Variants in LIPE observed in about 807,000 individuals in gnomAD.
LIPE encodes the protein hormone-sensitive lipase.
In LIPE, 66 loss-of-function variants were observed where a neutral mutation model predicts 88.5. That is an observed-to-expected ratio of 0.75 (90% confidence interval 0.61 to 0.91). The LOEUF is 0.91. Among genes scored for constraint, LIPE ranks in the 40% least tolerant of loss-of-function variants. The pLI is 0.00. For missense variants in LIPE, 1,346 were observed against 1,434.7 expected (o/e 0.94, Z 1.00); for synonymous variants, 570 against 617.5 (o/e 0.92, Z 1.14).
intron 1 of LIPE, among the ~76,000 whole-genome samples, chr19:42,421,441 T>C (rs934686313): frequency 1.3e-5 from 2 of 152,212 alleles, no homozygotes; most frequent in Admixed American, 1.3e-4. Context: ...CTCTGTTGTA[T>C]TTATCACAGT....
Position 42,408,453 on chromosome 19 carries a change from G to A in LIPE, c.1420-131C>T, listed in dbSNP as rs2040263591. ...GTTTCATGAGCTCCTACTGTGTGCT[G>A]GGCATAGCTCTCGGCTGGTTCACGG... is the stretch of plus-strand genomic sequence containing the variant. On this transcript the variant is annotated intron_variant, in intron 2 of 9. Transcript: ENST00000244289. The surrounding 1 kb of genome is among the most constrained non-coding windows in gnomAD (Gnocchi z 4.3). 2 of 746,078 alleles carry A rather than the reference G, an allele frequency of 2.7e-6. No homozygotes were observed. The highest frequency in any genetic ancestry group is 4.7e-6 in the Non-Finnish European group (2 of 428,836). The allele number at this position is 746,078 out of a possible 1,614,324, so 46.2% of individuals were successfully genotyped here. A position where few individuals can be genotyped will look rare whatever the true frequency, so the allele number is the denominator to read the frequency against.
At chr19:42,418,699 G>A (rs564184512) in intron 1 of LIPE, among the ~76,000 whole-genome samples, 2 of 152,098 alleles carry the variant, frequency 1.3e-5, no homozygotes, top group Non-Finnish European at 2.9e-5. Context: ...GACATATGCT[G>A]TTGTACACTT....
At position 42,401,991 on chromosome 19, in the gene LIPE, C is replaced by A. The variant is rs565024075; in HGVS notation, c.3052G>T (p.Val1018Leu). ...AAGCCGTGCGGCAGGTCCTCCACCA[C>A]GCGCAGCGTCACCGGCTGGCCCAGG... ...RNLGQPVTLR[V>L]VEDLPHGFLT... Residue 1018 changes from valine to leucine, a missense_variant, in exon 10 of 10, where the codon GTG (valine) becomes TTG (leucine). Val to Leu is a conservative substitution (Grantham distance 32, BLOSUM62 1). Transcript: ENST00000244289. 6.4e-7 allele frequency: 1 copy of A among 1,554,584 alleles called. No individual in the cohort carries two copies. Among genetic ancestry groups the A allele is most frequent in the Non-Finnish European group, 8.7e-7 (1 of 1,152,002 alleles).
chr19:42,407,642 G>A lies in LIPE; in HGVS notation c.1806C>T (p.Leu602=), dbSNP rs1321401603. The A allele has an allele frequency of 1.7e-5, 28 of 1,611,402 alleles. No individual in the cohort carries two copies. The highest frequency in any genetic ancestry group is 2.3e-5 in the Non-Finnish European group (27 of 1,178,586). ...GCAGGTCATAGGAGATGAGCCTGAC[G>A]AGGACGGGCCCAGGGCCTGTGTGGG... ...PLAHTGPGPV[L]VRLISYDLRE... is the part of the protein sequence containing the mutation. Residue 602 remains leucine, a synonymous_variant, in exon 5 of 10, where the codon CTC becomes CTT. Transcript: ENST00000244289. The surrounding 1 kb of genome is among the most constrained non-coding windows in gnomAD (Gnocchi z 5.8).
At position 42,402,862 on chromosome 19, in the gene LIPE, G is replaced by A. The variant is rs2040030430; in HGVS notation, c.2712C>T (p.Ser904=). Residue 904 remains serine, a synonymous_variant, in exon 9 of 10, where the codon TCC becomes TCT. Coordinates refer to ENST00000244289, the MANE Select transcript of LIPE (RefSeq NM_005357.4). ...MSLSAETLSP[S]TPSDVNFLLP... The stretch of plus-strand genomic sequence containing the variant: ...ATAAGAAGTTGACATCGGAGGGTGT[G>A]GAGGGGCTAAGTGTCTCAGCTGACA... 2.5e-6 allele frequency: 4 copies of A among 1,613,900 alleles called. No homozygotes were observed. The highest frequency in any genetic ancestry group is 3.4e-6 in the Non-Finnish European group (4 of 1,179,970).
chr19:42,420,886 C>T (rs745655470), intron 1 of LIPE, among the ~76,000 whole-genome samples: 5 of 152,004 alleles, frequency 3.3e-5, no homozygotes, highest in Non-Finnish European at 5.9e-5. Flanking sequence ...GCCTCCCAAG[C>T]CAGGTACCAT....
In LIPE at chr19:42,426,298, A is replaced by C. The variant is rs1405430082; in HGVS notation, c.852T>G (p.Ser284Arg). The change falls in exon 1 of 10, where the codon AGT becomes AGG. Residue 284 changes from serine (S) to arginine (R), a missense_variant. By Grantham distance (110) the Ser-to-Arg change is moderately radical. Coordinates refer to ENST00000244289, the MANE Select transcript of LIPE (RefSeq NM_005357.4). ...CCTGGTAGTGTCTGTGATTCCGAGC[A>C]CTGGTTTTCTCATGTGGCGACGTCC... ...YSGTSPHEKT[S>R]ARNHRHYQDT... The C allele has an allele frequency of 4.4e-6, 7 of 1,604,120 alleles. No homozygotes were observed. The highest frequency in any genetic ancestry group is 4.3e-6 in the Non-Finnish European group (5 of 1,171,842).
Position 42,408,536 on chromosome 19 carries a change from T to G in LIPE, c.1420-214A>C. ...AGCAGATAAGCAAAGCCACGCGCAGTATCATGACAAGGAATGACGAATGGT... is the reference window on the plus strand; with the variant it reads ...AGCAGATAAGCAAAGCCACGCGCAGGATCATGACAAGGAATGACGAATGGT... On this transcript the variant is annotated intron_variant, in intron 2 of 9. Coordinates refer to ENST00000244289, the MANE Select transcript of LIPE (RefSeq NM_005357.4). The surrounding 1 kb of genome is among the most constrained non-coding windows in gnomAD (Gnocchi z 4.3). 1.8e-6 allele frequency: 1 copy of G among 555,746 alleles called. No homozygotes were observed. The allele number at this position is 555,746 out of a possible 1,614,324, so 34.4% of individuals were successfully genotyped here.
rs2040239327 is a variant in LIPE, at chr19:42,407,864, C to T, written c.1657-73G>A. The stretch of plus-strand genomic sequence containing the variant: ...GGTGCCCTTCACCTCTCCCTCTGAT[C>T]CCCAGTCTTTCCCCTTGTGTGCCAT... On this transcript the variant is annotated intron_variant, in intron 4 of 9. Transcript: ENST00000244289. This position sits in a 1 kb window ranked among gnomAD's most constrained non-coding sequence, Gnocchi z 5.8. The T allele has an allele frequency of 1.3e-6, 2 of 1,552,706 alleles. No individual in the cohort carries two copies. The highest frequency in any genetic ancestry group is 1.7e-6 in the Non-Finnish European group (2 of 1,149,610).
rs2040239747 is a variant in LIPE at position 42,407,871 on chromosome 19, C to G, written c.1657-80G>C. The G allele has an allele frequency of 2.6e-6, 4 of 1,557,044 alleles. No individual in the cohort carries two copies. Among genetic ancestry groups the G allele is most frequent in the Non-Finnish European group, 3.5e-6 (4 of 1,152,540 alleles). ...TTCACCTCTCCCTCTGATCCCCAGT[C>G]TTTCCCCTTGTGTGCCATCCCTGGG... On this transcript the variant is annotated intron_variant, in intron 4 of 9. Coordinates refer to ENST00000244289, the MANE Select transcript of LIPE (RefSeq NM_005357.4). The surrounding 1 kb of genome is among the most constrained non-coding windows in gnomAD (Gnocchi z 5.8).
Position 42,406,434 on chromosome 19 carries a change from G to A in LIPE, c.2138-46C>T. ...TTGGTGACAACCTGGCAGGGGCAGA[G>A]GCCTGGGGAGGAGGGCAGGGAGGAA... is the stretch of plus-strand genomic sequence containing the variant. On this transcript the variant is annotated intron_variant, in intron 6 of 9. Transcript: ENST00000244289. This position sits in a 1 kb window ranked among gnomAD's most constrained non-coding sequence, Gnocchi z 5.7. 6.5e-7 allele frequency: 1 copy of A among 1,540,844 alleles called. No homozygotes were observed. Among genetic ancestry groups the A allele is most frequent in the African/African-American group, 1.4e-5 (1 of 73,598 alleles).
chr19:42,424,286 G>A (rs1193931603), intron 1 of LIPE: 2 of 470,126 alleles, frequency 4.3e-6, no homozygotes, highest in Non-Finnish European at 8.3e-6. Flanking sequence ...GAGGTAGAGG[G>A]AACGACGCAT....
In LIPE at chr19:42,407,380, C is replaced by T. The variant is rs774084527; in HGVS notation, c.1931G>A (p.Arg644Gln). ...GCCGTGGAAGTGCACTATCAGGGAC[C>T]GCGAGCGGGGTGCCTGCTGGGGGCG... ...WPRPQQAPRS[R>Q]SLIVHFHGGG... The change falls in exon 6 of 10, where the codon CGG (arginine) becomes CAG (glutamine). Residue 644 changes from arginine (R) to glutamine (Q), a missense_variant. Transcript: ENST00000244289. This position sits in a 1 kb window ranked among gnomAD's most constrained non-coding sequence, Gnocchi z 5.8. 55 of 1,613,424 alleles carry T rather than the reference C, an allele frequency of 3.4e-5. No individual in the cohort carries two copies. The highest frequency in any genetic ancestry group is 1.6e-4 in the Middle Eastern group (1 of 6,078).
chr19:42,407,952 T>TC lies in LIPE; in HGVS notation c.1656+23dup. 6.2e-7 allele frequency: 1 copy of TC among 1,606,906 alleles called. No individual in the cohort carries two copies. Among genetic ancestry groups the TC allele is most frequent in the East Asian group, 2.2e-5 (1 of 44,604 alleles). ...TCAGATGAGTCTCTGGGCCTCAGTG[T>TC]CCCCATCTGCAACAGGCCCTCACCG... On this transcript the variant is annotated intron_variant, in intron 4 of 9. Coordinates refer to ENST00000244289, the MANE Select transcript of LIPE (RefSeq NM_005357.4). The surrounding 1 kb of genome is among the most constrained non-coding windows in gnomAD (Gnocchi z 5.8).
chr19:42,425,746 G>A (rs1411268281), intron 1 of LIPE, among the ~76,000 whole-genome samples: 1 of 152,138 alleles, frequency 6.6e-6, no homozygotes, highest in Admixed American at 6.5e-5. Flanking sequence ...GGAGTTTGAG[G>A]CTGCAGTGAG....
rs1341942692 is a variant in LIPE at position 42,402,698 on chromosome 19, A to C, written c.2876T>G (p.Leu959Arg). The C allele has an allele frequency of 6.5e-7, 1 of 1,531,966 alleles. No homozygotes were observed. The highest frequency in any genetic ancestry group is 1.4e-5 in the African/African-American group (1 of 72,364). The allele number at this position is 1,531,966 out of a possible 1,614,324, so 94.9% of individuals were successfully genotyped here. The change falls in exon 9 of 10, where the codon CTC (leucine) becomes CGC (arginine). Residue 959 changes from leucine to arginine, a missense_variant. By Grantham distance (102) the Leu-to-Arg change is moderately radical. Coordinates refer to ENST00000244289, the MANE Select transcript of LIPE (RefSeq NM_005357.4). ...RSSQGATQMP[L>R]YSSPIVKNPF... ...GTTCTTGACTATGGGTGAGGAGTAG[A>C]GGGGCATCTGTGTGGCACCCTGGCT...
At position 42,414,953 on chromosome 19, in the gene LIPE, C is replaced by T. The variant is rs113806583; in HGVS notation, c.884-4111G>A. On this transcript the variant is annotated intron_variant, in intron 1 of 9. Transcript: ENST00000244289. This position sits in a 1 kb window ranked among gnomAD's most constrained non-coding sequence, Gnocchi z 4.6. ...TCCCTAAGACATACAATATTGAGGC[C>T]GGGCACGGTGGCTAATGCCTGTAAT... Among the ~76,000 whole-genome samples, 5 of 152,150 alleles carry T rather than the reference C, an allele frequency of 3.3e-5. No homozygotes were observed. The highest frequency in any genetic ancestry group is 9.7e-5 in the African/African-American group (4 of 41,420).
chr19:42,419,673 A>G (rs977841200), intron 1 of LIPE, among the ~76,000 whole-genome samples: 3 of 141,254 alleles, frequency 2.1e-5, no homozygotes, highest in Admixed American at 1.4e-4. Context: ...GAGCAGGGGT[A>G]AGGAGGGCGG....
In LIPE at chr19:42,401,920, C is replaced by T. The variant is rs560990701; in HGVS notation, c.3123G>A (p.Glu1041=). 1.5e-4 allele frequency: 234 copies of T among 1,554,876 alleles called. No homozygotes were observed. The highest frequency in any genetic ancestry group is 2.0e-4 in the Middle Eastern group (1 of 5,128). Residue 1041 remains glutamate, a synonymous_variant, in exon 10 of 10, where the codon GAG becomes GAA. Coordinates refer to ENST00000244289, the MANE Select transcript of LIPE (RefSeq NM_005357.4). ...CGAGGCGGATGCGCTCCACGCACAG[C>T]TCTGCGGCCTGGCGCGTCTCGCGGC... The part of the protein sequence containing the change: ...ALCRETRQAA[E]LCVERIRLVL...
Sources: gnomAD v4.1 joint callset for allele counts (sites outside exome capture counted in the v4.1 genomes callset) on GRCh38, gnomAD v4.1.1 for gene constraint, Gnocchi (gnomAD v3.1) non-coding constraint, MANE v1.5 for transcripts, NCBI Gene and HGNC (gene_info 2026-07-23, HGNC 2026-07-21) for gene names.